Variants in MAGI2 observed in about 807,000 individuals in gnomAD.
MAGI2 encodes the protein membrane-associated guanylate kinase, WW and PDZ domain-containing protein 2.
In MAGI2, 35 loss-of-function variants were observed where a neutral mutation model predicts 133.3. The observed-to-expected ratio is 0.26, with a 90% CI of 0.20 to 0.35. MAGI2 has a LOEUF of 0.35. MAGI2 is among the 10% of genes least tolerant of loss of function. The probability of loss-of-function intolerance (pLI) is 1.00; values close to 1 mark genes in which losing one functional copy is unlikely to be tolerated. For synonymous variants in MAGI2, 729 were observed against 710.6 expected (o/e 1.03, Z -0.41); for missense variants, 1,636 against 1,863.4 (o/e 0.88, Z 2.25).
At chr7:79,196,839 C>A (rs1828124655) in intron 1 of MAGI2, among the ~76,000 whole-genome samples, 1 of 151,932 alleles carries the variant, frequency 6.6e-6, no homozygotes, top group African/African-American at 2.4e-5. Context: ...ATGATCACAG[C>A]TTACTGCAGC....
At chr7:79,022,565 A>G (rs1809444254) in intron 1 of MAGI2, among the ~76,000 whole-genome samples, 2 of 151,914 alleles carry the variant, frequency 1.3e-5, no homozygotes, top group African/African-American at 2.4e-5. Context: ...AAAACCCTAC[A>G]AAACATAAAC....
intron 2 of MAGI2, among the ~76,000 whole-genome samples, chr7:78,820,357 A>T (rs1345368028): frequency 6.6e-6 from 1 of 151,982 alleles, no homozygotes; most frequent in Non-Finnish European, 1.5e-5. Context: ...CAGGAAAGCA[A>T]AGGTTGAATC....
At chr7:78,128,283 C>T (rs1821199066) in intron 18 of MAGI2, among the ~76,000 whole-genome samples, 1 of 152,116 alleles carries the variant, frequency 6.6e-6, no homozygotes, top group Non-Finnish European at 1.5e-5. Flanking sequence ...AATAGCCAAT[C>T]CCTACCATTA....
intron 12 of MAGI2, among the ~76,000 whole-genome samples, chr7:78,193,749 T>TA (rs57498051): frequency 0.26 from 39,786 of 151,004 alleles, 5,392 homozygotes; most frequent in South Asian, 0.4. Flanking sequence ...GCCGCTTCTT[T>TA]AAAAAAAAAA....
At chr7:78,278,483 A>G (rs1795255784) in intron 9 of MAGI2, among the ~76,000 whole-genome samples, 1 of 152,198 alleles carries the variant, frequency 6.6e-6, no homozygotes, top group Non-Finnish European at 1.5e-5. Flanking sequence ...TTACTACTCA[A>G]ATATAGATGT....
chr7:79,034,404 C>A (rs1378035593), intron 1 of MAGI2, among the ~76,000 whole-genome samples: 1 of 152,118 alleles, frequency 6.6e-6, no homozygotes, highest in African/African-American at 2.4e-5. Context: ...CAATATTTAC[C>A]AAAATAACTT....
At chr7:78,424,089 C>T (rs1799051897) in intron 6 of MAGI2, among the ~76,000 whole-genome samples, 1 of 152,190 alleles carries the variant, frequency 6.6e-6, no homozygotes, top group African/African-American at 2.4e-5. Context: ...CAGCCCCTCC[C>T]ATCACAGGTC....
chr7:79,187,294 T>C (rs1203581786), intron 1 of MAGI2, among the ~76,000 whole-genome samples: 5 of 151,812 alleles, frequency 3.3e-5, no homozygotes, highest in Admixed American at 1.3e-4. Flanking sequence ...GCAAAAGTTA[T>C]AGAGCATTTT....
At chr7:78,133,130 G>C in intron 17 of MAGI2, 70 bp from the exon 18 acceptor site, 1 of 1,323,172 alleles carries the variant, frequency 7.6e-7, no homozygotes, top group East Asian at 2.5e-5. Flanking sequence ...GTGACTAGAG[G>C]CAGTGACTTT....
intron 2 of MAGI2, among the ~76,000 whole-genome samples, chr7:78,710,303 C>T (rs1277422634): frequency 6.6e-6 from 1 of 152,134 alleles, no homozygotes. Context: ...AAATCCTTTG[C>T]CAGCCCTGCA....
chr7:78,518,722 T>A (rs1286168469), intron 4 of MAGI2: 1 of 152,012 alleles, frequency 6.6e-6, no homozygotes, highest in African/African-American at 2.4e-5. Flanking sequence ...TTAAGTGACA[T>A]GTTTCTCTCT....
chr7:78,507,986 C>A (rs1441110664), intron 4 of MAGI2, among the ~76,000 whole-genome samples: 2 of 152,212 alleles, frequency 1.3e-5, no homozygotes, highest in African/African-American at 4.8e-5. Flanking sequence ...GCAGGGCCAG[C>A]TCCCTCTGGA....
At chr7:78,948,220 T>G (rs1801587538) in intron 2 of MAGI2, among the ~76,000 whole-genome samples, 1 of 152,074 alleles carries the variant, frequency 6.6e-6, no homozygotes. Flanking sequence ...CCTGAGTCAC[T>G]TCATTTTACA....
rs541164692 is a variant in MAGI2, at chr7:78,840,667, G to A, written c.418+166423C>T. Reference sequence around the variant, plus strand: ...ACAGTTTCTCCTTTTTGTCTTGGGGGCTCTGTAATTTGTAGGTGAATGTTA... The same window carrying A: ...ACAGTTTCTCCTTTTTGTCTTGGGGACTCTGTAATTTGTAGGTGAATGTTA... On this transcript the variant is annotated intron_variant, in intron 2 of 21. Coordinates refer to ENST00000354212, the MANE Select transcript of MAGI2 (RefSeq NM_012301.4). Among the ~76,000 whole-genome samples, 24 of 152,050 alleles carry A rather than the reference G, an allele frequency of 1.6e-4. No homozygotes were observed. The South Asian group carries it at 4.8e-3, about 30-fold the overall frequency.
At chr7:78,651,260 A>C (rs1208028880) in intron 2 of MAGI2, among the ~76,000 whole-genome samples, 1 of 152,130 alleles carries the variant, frequency 6.6e-6, no homozygotes, top group Non-Finnish European at 1.5e-5. Flanking sequence ...TAATTCATGT[A>C]ACACACAAAA....
chr7:79,108,780 G>T (rs185859157), intron 1 of MAGI2, among the ~76,000 whole-genome samples: 30 of 152,308 alleles, frequency 2.0e-4, no homozygotes, highest in Non-Finnish European at 1.0e-4. Context: ...GTGGGGCTTG[G>T]TGGGAGGTGT....
chr7:79,447,858 A>G (rs1346486714), intron 1 of MAGI2, among the ~76,000 whole-genome samples: 1 of 151,876 alleles, frequency 6.6e-6, no homozygotes, highest in African/African-American at 2.4e-5. Flanking sequence ...TTTCCTCTTT[A>G]TTATACATTG....
intron 9 of MAGI2, among the ~76,000 whole-genome samples, chr7:78,269,674 T>C (rs1361103643): frequency 6.6e-6 from 1 of 152,150 alleles, no homozygotes; most frequent in African/African-American, 2.4e-5. Flanking sequence ...ATATTAGCCC[T>C]TTGTCAGATG....
chr7:79,394,203 T>A (rs1844877588), intron 1 of MAGI2, among the ~76,000 whole-genome samples: 2 of 152,164 alleles, frequency 1.3e-5, no homozygotes, highest in Admixed American at 6.5e-5. Context: ...TTCTGACATG[T>A]CTTGGGCAAC....
Sources: gnomAD v4.1 joint callset for allele counts (sites outside exome capture counted in the v4.1 genomes callset) on GRCh38, gnomAD v4.1.1 for gene constraint, MANE v1.5 for transcripts, NCBI Gene and HGNC (gene_info 2026-07-23, HGNC 2026-07-21) for gene names.